UBAP1: variants seen among roughly 807,000 people sequenced by gnomAD.
UBAP1 encodes the protein ubiquitin-associated protein 1.
Under a neutral mutation model 39.0 loss-of-function variants are expected in UBAP1, and 5 were observed. The ratio of observed to expected loss-of-function variants is 0.13; its 90% CI spans 0.07 to 0.27. The LOEUF (loss-of-function observed/expected upper bound fraction) is 0.27. Among genes scored for constraint, UBAP1 ranks in the 10% least tolerant of loss-of-function variants. UBAP1 has a pLI of 1.00. For synonymous variants in UBAP1, 211 were observed against 225.1 expected (o/e 0.94, Z 0.56); for missense variants, 490 against 608.1 (o/e 0.81, Z 2.04).
intron 3 of UBAP1, among the ~76,000 whole-genome samples, chr9:34,239,777 A>G (rs1461919627): frequency 6.6e-6 from 1 of 152,206 alleles, no homozygotes; most frequent in Admixed American, 6.5e-5. Flanking sequence ...TAAATAATGC[A>G]TTTATAATGC....
At chr9:34,228,827 C>G (rs192616462) in intron 2 of UBAP1, among the ~76,000 whole-genome samples, 2 of 151,438 alleles carry the variant, frequency 1.3e-5, no homozygotes, top group African/African-American at 4.9e-5. Context: ...GTGATCTATC[C>G]GCCTTGGCCT....
chr9:34,216,332 C>T (rs1007694085), intron 1 of UBAP1, among the ~76,000 whole-genome samples: 1 of 152,046 alleles, frequency 6.6e-6, no homozygotes, highest in African/African-American at 2.4e-5. Context: ...TGAAACCTTT[C>T]CTTCACTCCA....
At chr9:34,229,213 T>C (rs2131597789) in intron 2 of UBAP1, among the ~76,000 whole-genome samples, 1 of 152,206 alleles carries the variant, frequency 6.6e-6, no homozygotes. Flanking sequence ...AGTAGTTTGC[T>C]ACGTGAAAGG....
intron 1 of UBAP1, among the ~76,000 whole-genome samples, chr9:34,200,131 G>C (rs1831287654): frequency 6.6e-6 from 1 of 152,096 alleles, no homozygotes; most frequent in African/African-American, 2.4e-5. Flanking sequence ...TTTGTCTGCT[G>C]TTTTCCTCGT....
At chr9:34,195,106 G>A (rs766160188) in intron 1 of UBAP1, among the ~76,000 whole-genome samples, 9 of 149,518 alleles carry the variant, frequency 6.0e-5, no homozygotes, top group African/African-American at 2.2e-4. Context: ...TGAGAACAGA[G>A]ATTTTTTAAA....
chr9:34,226,105 TTGTGTGTGTGTGTGTG>T (rs74180553), intron 2 of UBAP1, among the ~76,000 whole-genome samples: 2,291 of 88,286 alleles, frequency 0.026, 56 homozygotes, highest in East Asian at 0.086. Flanking sequence ...TCCTACTCTA[TTGTGTGTGTGTGTGTG>T]TGTGTGTGTG....
At chr9:34,199,614 T>C (rs1831251104) in intron 1 of UBAP1, among the ~76,000 whole-genome samples, 1 of 144,530 alleles carries the variant, frequency 6.9e-6, no homozygotes, top group East Asian at 1.9e-4. Context: ...TTCCCCTGTT[T>C]TTCTTTCTTC....
At chr9:34,205,563 G>A (rs1587819228) in intron 1 of UBAP1, among the ~76,000 whole-genome samples, 1 of 152,274 alleles carries the variant, frequency 6.6e-6, no homozygotes, top group Middle Eastern at 3.4e-3. Context: ...AAGGGAGAGA[G>A]TAAGTGAAAA....
At chr9:34,189,375 A>G (rs1830592478) in intron 1 of UBAP1, among the ~76,000 whole-genome samples, 1 of 151,518 alleles carries the variant, frequency 6.6e-6, no homozygotes, top group South Asian at 2.1e-4. Flanking sequence ...TTTTAGTAGA[A>G]ATGGGGTTTC....
intron 1 of UBAP1, among the ~76,000 whole-genome samples, chr9:34,180,243 G>C (rs1829939303): frequency 6.6e-6 from 1 of 152,130 alleles, no homozygotes; most frequent in Admixed American, 6.6e-5. Context: ...TTGGCCGGGC[G>C]CTGTGGCTCA....
chr9:34,207,194 G>A (rs1587822094), intron 1 of UBAP1, among the ~76,000 whole-genome samples: 1 of 150,350 alleles, frequency 6.7e-6, no homozygotes, highest in East Asian at 1.9e-4. Context: ...TTAGGATTAC[G>A]GGCTCCCGCC....
intron 1 of UBAP1, among the ~76,000 whole-genome samples, chr9:34,190,467 T>G (rs1425533585): frequency 6.6e-6 from 1 of 151,114 alleles, no homozygotes; most frequent in East Asian, 1.9e-4. Context: ...ATTTTTTATT[T>G]TTAGTGGAGA....
intron 1 of UBAP1, chr9:34,201,650 A>G (rs1011687149): frequency 5.3e-5 from 8 of 152,098 alleles, no homozygotes; most frequent in Non-Finnish European, 8.8e-5. Flanking sequence ...CAACACAGAA[A>G]AAGAATTCTG....
Position 34,226,053 on chromosome 9 carries a change from C to T in UBAP1, c.34+5105C>T, listed in dbSNP as rs140279537. Among the ~76,000 whole-genome samples the T allele has an allele frequency of 4.9e-3, 739 of 150,862 alleles. 5 individuals carry two copies. The highest frequency in any genetic ancestry group is 0.017 in the African/African-American group (694 of 41,012). ...TAAGTATACACTCATGAAACCATCACCATCATTAAGGCATAAACATTCATT... is the reference window on the plus strand; with the variant it reads ...TAAGTATACACTCATGAAACCATCATCATCATTAAGGCATAAACATTCATT... On this transcript the variant is annotated intron_variant, in intron 2 of 6. Transcript: ENST00000297661.
intron 2 of UBAP1, among the ~76,000 whole-genome samples, chr9:34,223,227 T>TC (rs1212349652): frequency 6.6e-6 from 1 of 151,968 alleles, no homozygotes; most frequent in African/African-American, 2.4e-5. Context: ...GGTCAGGAGT[T>TC]CAAGACCAGC....
intron 2 of UBAP1, among the ~76,000 whole-genome samples, chr9:34,228,980 A>G (rs1004079639): frequency 6.6e-6 from 1 of 152,138 alleles, no homozygotes; most frequent in Non-Finnish European, 1.5e-5. Flanking sequence ...TAAAGCTTTT[A>G]AAGTACGAAG....
At position 34,243,015 on chromosome 9, in the gene UBAP1, ATGCTTC is replaced by A. The variant is rs892896169; in HGVS notation, c.1083+909_1083+914del. On this transcript the variant is annotated intron_variant, in intron 4 of 6. Transcript: ENST00000297661. ...TCTTGGTCAATGATAGTCTGTGTGA[ATGCTTC>A]TATTGTCAGAGAGCTCATAGCTGCT... 3.7e-4 allele frequency among the ~76,000 whole-genome samples: 57 copies of A among 152,174 alleles called. 1 individual carries two copies. The highest frequency in any genetic ancestry group is 1.5e-5 in the Non-Finnish European group (1 of 68,030).
At chr9:34,204,705 T>C (rs2131542521) in intron 1 of UBAP1, among the ~76,000 whole-genome samples, 1 of 152,080 alleles carries the variant, frequency 6.6e-6, no homozygotes, top group Admixed American at 6.6e-5. Context: ...ATTTCAGAGG[T>C]TTTTACCCAT....
At chr9:34,182,754 AGGCT>A (rs1830162884) in intron 1 of UBAP1, among the ~76,000 whole-genome samples, 1 of 144,764 alleles carries the variant, frequency 6.9e-6, no homozygotes. Flanking sequence ...TCAGTCGCCC[AGGCT>A]GGGGTACAGT....
Sources: gnomAD v4.1 joint callset for allele counts (sites outside exome capture counted in the v4.1 genomes callset) on GRCh38, gnomAD v4.1.1 for gene constraint, MANE v1.5 for transcripts, NCBI Gene and HGNC (gene_info 2026-07-23, HGNC 2026-07-21) for gene names.